DCPS: variants seen among roughly 807,000 people sequenced by gnomAD.
DCPS encodes the protein m7GpppX diphosphatase.
A neutral mutation model predicts 34.7 loss-of-function variants in DCPS; 27 were observed. The ratio of observed to expected loss-of-function variants is 0.78; its 90% CI spans 0.57 to 1.07. DCPS has a LOEUF of 1.07. Ranked by LOEUF, DCPS falls within the 50% of genes least tolerant of loss-of-function variation. The pLI is 0.00. For synonymous variants in DCPS, 185 were observed against 185.7 expected (o/e 1.00, Z 0.03); for missense variants, 464 against 436.9 (o/e 1.06, Z -0.55).
At position 126,333,842 on chromosome 11, in the gene DCPS, G is replaced by C. The variant is rs603758; in HGVS notation, c.522+2292G>C. On this transcript the variant is annotated intron_variant, in intron 3 of 5. Coordinates refer to ENST00000263579, the MANE Select transcript of DCPS (RefSeq NM_014026.6). The surrounding 1 kb of genome is among the most constrained non-coding windows in gnomAD (Gnocchi z 5.7). ...CTATTCCATATCTGCTGAATCTCACGCTTCAGGGAGTGGAGCTGGGAATTC... is the reference window on the plus strand; with the variant it reads ...CTATTCCATATCTGCTGAATCTCACCCTTCAGGGAGTGGAGCTGGGAATTC... Among the ~76,000 whole-genome samples the C allele has an allele frequency of 0.82, 125,133 of 152,064 alleles. 51,891 individuals carry two copies. Among genetic ancestry groups the C allele is most frequent in the East Asian group, 1 (5,159 of 5,166 alleles).
chr11:126,330,259 T>G lies in DCPS; in HGVS notation c.377-1146T>G, dbSNP rs144206652. Among the ~76,000 whole-genome samples the G allele has an allele frequency of 1.4e-4, 21 of 152,056 alleles. 1 individual carries two copies. The East Asian group carries it at 4.1e-3, about 29-fold the overall frequency. Reference sequence around the variant, plus strand: ...CAACTTGGGGAGGGTGCTACTAACATCCCAACAGAGGCCACAGGGATGCAG... The same window carrying G: ...CAACTTGGGGAGGGTGCTACTAACAGCCCAACAGAGGCCACAGGGATGCAG... On this transcript the variant is annotated intron_variant, in intron 2 of 5. Coordinates refer to ENST00000263579, the MANE Select transcript of DCPS (RefSeq NM_014026.6).
Position 126,328,064 on chromosome 11 carries a change from G to C in DCPS, c.377-3341G>C, listed in dbSNP as rs945583710. 4.6e-5 allele frequency among the ~76,000 whole-genome samples: 7 copies of C among 152,250 alleles called. No individual in the cohort carries two copies. Among genetic ancestry groups the C allele is most frequent in the South Asian group, 2.1e-4 (1 of 4,830 alleles). On this transcript the variant is annotated intron_variant, in intron 2 of 5. Coordinates refer to ENST00000263579, the MANE Select transcript of DCPS (RefSeq NM_014026.6). This position sits in a 1 kb window ranked among gnomAD's most constrained non-coding sequence, Gnocchi z 6.6. ...GAGCAGCGTGGCTCGTTGGGTAGGA[G>C]GGTCAGCTCGGCCGTGGGAGCGGCC... is the stretch of plus-strand genomic sequence containing the variant.
rs531934504 is a variant in DCPS at position 126,349,112 on chromosome 11, A to G, written c.*3499A>G. Among the ~76,000 whole-genome samples, 12 of 152,094 alleles carry G rather than the reference A, an allele frequency of 7.9e-5. No homozygotes were observed. The South Asian group carries it at 1.7e-3, about 21-fold the overall frequency. On this transcript the variant is annotated 3_prime_UTR_variant, in exon 6 of 6. Transcript: ENST00000263579. This position sits in a 1 kb window ranked among gnomAD's most constrained non-coding sequence, Gnocchi z 5.4. ...ATGGAGAGTAAGGACCAGCCCCTCTACCTCATGCTTTCTTCCTGCTATCTC... is the reference window on the plus strand; with the variant it reads ...ATGGAGAGTAAGGACCAGCCCCTCTGCCTCATGCTTTCTTCCTGCTATCTC...
At position 126,304,119 on chromosome 11, in the gene DCPS, C is replaced by A. The variant is rs374596811; in HGVS notation, c.39C>A (p.Arg13=). Residue 13 remains arginine, a synonymous_variant, in exon 1 of 6, where the codon CGC becomes CGA. Coordinates refer to ENST00000263579, the MANE Select transcript of DCPS (RefSeq NM_014026.6). ...DAAPQLGKRK[R]ELDVEEAHAA... is the part of the protein sequence containing the mutation. ...CTCCTCAACTAGGCAAGAGGAAGCGCGAATTGGACGTGGAGGAGGCCCACG... is the reference window on the plus strand; with the variant it reads ...CTCCTCAACTAGGCAAGAGGAAGCGAGAATTGGACGTGGAGGAGGCCCACG... 6.2e-6 allele frequency: 10 copies of A among 1,613,466 alleles called. No homozygotes were observed. The African/African-American group carries it at 1.1e-4, about 17-fold the overall frequency.
Position 126,334,298 on chromosome 11 carries a change from T to C in DCPS, c.522+2748T>C, listed in dbSNP as rs984098721. On this transcript the variant is annotated intron_variant, in intron 3 of 5. Transcript: ENST00000263579. The surrounding 1 kb of genome is among the most constrained non-coding windows in gnomAD (Gnocchi z 5.5). ...CACTTACTATGTATAGTCCAAGAAC[T>C]GCTCTAAGCATTTATGCGCATCACA... Among the ~76,000 whole-genome samples the C allele has an allele frequency of 2.0e-5, 3 of 152,224 alleles. No homozygotes were observed. Among genetic ancestry groups the C allele is most frequent in the African/African-American group, 7.2e-5 (3 of 41,444 alleles).
At position 126,336,444 on chromosome 11, in the gene DCPS, A is replaced by G. The variant is rs974193840; in HGVS notation, c.523-1842A>G. 3.3e-5 allele frequency: 5 copies of G among 152,338 alleles called. No homozygotes were observed. The East Asian group carries it at 7.7e-4, about 23-fold the overall frequency. The allele number at this position is 152,338 out of a possible 1,614,324, so 9.4% of individuals were successfully genotyped here. A position where few individuals can be genotyped will look rare whatever the true frequency, so the allele number is the denominator to read the frequency against. ...GAAAACCTTCACCACCCTTATGTAG[A>G]TATCATCAGCCCCATTTTACAAAGG... On this transcript the variant is annotated intron_variant, in intron 3 of 5. Coordinates refer to ENST00000263579, the MANE Select transcript of DCPS (RefSeq NM_014026.6). This position sits in a 1 kb window ranked among gnomAD's most constrained non-coding sequence, Gnocchi z 6.3.
intron 1 of DCPS, 81 bp downstream of exon 1, chr11:126,304,362 A>AT: frequency 6.6e-7 from 1 of 1,510,064 alleles, no homozygotes. Context: ...TTTTTTTCGG[A>AT]TCTCGGCTGG....
In DCPS at chr11:126,345,749, A is replaced by C; in HGVS notation, c.*136A>C. Reference sequence around the variant, plus strand: ...TAGTATTGAATAAACTAGCGGGCTCACTCAGTGTGGACAGCGTGGCCTGGG... The same window carrying C: ...TAGTATTGAATAAACTAGCGGGCTCCCTCAGTGTGGACAGCGTGGCCTGGG... On this transcript the variant is annotated 3_prime_UTR_variant, in exon 6 of 6. Transcript: ENST00000263579. The surrounding 1 kb of genome is among the most constrained non-coding windows in gnomAD (Gnocchi z 7.4). 1.5e-6 allele frequency: 2 copies of C among 1,359,604 alleles called. No homozygotes were observed. The highest frequency in any genetic ancestry group is 2.0e-6 in the Non-Finnish European group (2 of 1,011,290). 84.2% of individuals were successfully genotyped at this position (1,359,604 alleles called of 1,614,324 possible).
rs1047218552 is a variant in DCPS at position 126,329,872 on chromosome 11, G to A, written c.377-1533G>A. On this transcript the variant is annotated intron_variant, in intron 2 of 5. Transcript: ENST00000263579. This position sits in a 1 kb window ranked among gnomAD's most constrained non-coding sequence, Gnocchi z 5.0. ...GACTTCGTGGTGGTGAAATGTGCCC[G>A]CTGGGTTTTCAGCTCTCTCGGGTTT... is the stretch of plus-strand genomic sequence containing the variant. Among the ~76,000 whole-genome samples, 7 of 152,164 alleles carry A rather than the reference G, an allele frequency of 4.6e-5. No homozygotes were observed. Among genetic ancestry groups the A allele is most frequent in the African/African-American group, 1.7e-4 (7 of 41,434 alleles).
rs183814557 is a variant in DCPS at position 126,342,993 on chromosome 11, C to T, written c.637-314C>T. On this transcript the variant is annotated intron_variant, in intron 4 of 5. Coordinates refer to ENST00000263579, the MANE Select transcript of DCPS (RefSeq NM_014026.6). This position sits in a 1 kb window ranked among gnomAD's most constrained non-coding sequence, Gnocchi z 4.4. ...GCTGAGGCAGAAGAATCGCTTGAAC[C>T]CAGGAGGCGGAGGTTGCAGTGAGCC... Among the ~76,000 whole-genome samples, 332 of 151,648 alleles carry T rather than the reference C, an allele frequency of 2.2e-3. No homozygotes were observed. The highest frequency in any genetic ancestry group is 7.4e-3 in the African/African-American group (305 of 41,310).
rs1378977883 is a variant in DCPS at position 126,313,324 on chromosome 11, G to A, written c.376+6580G>A. Reference sequence around the variant, plus strand: ...TGTGCTATTTGCAGAGGCAAAACCCGGACCTCCTGAGGGAGGGGTGAGGAC... The same window carrying A: ...TGTGCTATTTGCAGAGGCAAAACCCAGACCTCCTGAGGGAGGGGTGAGGAC... On this transcript the variant is annotated intron_variant, in intron 2 of 5. Coordinates refer to ENST00000263579, the MANE Select transcript of DCPS (RefSeq NM_014026.6). The surrounding 1 kb of genome is among the most constrained non-coding windows in gnomAD (Gnocchi z 4.9). 2.0e-5 allele frequency among the ~76,000 whole-genome samples: 3 copies of A among 152,176 alleles called. No homozygotes were observed. The highest frequency in any genetic ancestry group is 4.8e-5 in the African/African-American group (2 of 41,434).
chr11:126,312,040 C>A lies in DCPS; in HGVS notation c.376+5296C>A, dbSNP rs1275388184. 6.6e-6 allele frequency among the ~76,000 whole-genome samples: 1 copy of A among 152,174 alleles called. No individual in the cohort carries two copies. The highest frequency in any genetic ancestry group is 1.5e-5 in the Non-Finnish European group (1 of 68,040). ...CTGCCTCCCGGGTTCGAGTGATTCT[C>A]CAGCCTCAGCCTCCCGAGTAGCTGG... On this transcript the variant is annotated intron_variant, in intron 2 of 5. Transcript: ENST00000263579. The surrounding 1 kb of genome is among the most constrained non-coding windows in gnomAD (Gnocchi z 5.1).
chr11:126,331,482 C>G lies in DCPS; in HGVS notation c.454C>G (p.Arg152Gly). The G allele has an allele frequency of 6.2e-7, 1 of 1,614,142 alleles. No individual in the cohort carries two copies. The highest frequency in any genetic ancestry group is 1.1e-5 in the South Asian group (1 of 91,072). Residue 152 changes from arginine (R) to glycine (G), a missense_variant, in exon 3 of 6, where the codon CGA (arginine) becomes GGA (glycine). Coordinates refer to ENST00000263579, the MANE Select transcript of DCPS (RefSeq NM_014026.6). The surrounding 1 kb of genome is among the most constrained non-coding windows in gnomAD (Gnocchi z 7.2). ...KYLRQDLRLI[R>G]ETGDDYRNIT... Reference sequence around the variant, plus strand: ...CCTGCGCCAGGACCTCCGCCTGATCCGAGAGACGGGAGATGACTACAGGAA... The same window carrying G: ...CCTGCGCCAGGACCTCCGCCTGATCGGAGAGACGGGAGATGACTACAGGAA...
intron 2 of DCPS, among the ~76,000 whole-genome samples, chr11:126,316,839 A>G (rs1591383290): frequency 6.7e-6 from 1 of 149,940 alleles, no homozygotes; most frequent in Non-Finnish European, 1.5e-5. Context: ...TATTTTTAGT[A>G]GAGACAGGGT....
At chr11:126,343,642 T>C (rs1376291998) in intron 5 of DCPS, among the ~76,000 whole-genome samples, 1 of 152,090 alleles carries the variant, frequency 6.6e-6, no homozygotes, top group East Asian at 1.9e-4. Context: ...TCGGCCTTTC[T>C]CCATCTGGGA....
rs1029275579 is a variant in DCPS at position 126,335,453 on chromosome 11, T to A, written c.523-2833T>A. 2.0e-5 allele frequency among the ~76,000 whole-genome samples: 3 copies of A among 152,202 alleles called. No homozygotes were observed. The highest frequency in any genetic ancestry group is 1.5e-5 in the Non-Finnish European group (1 of 68,034). ...TTGTTCTTTCATTCTCCTTTTTTTT[T>A]ATCTGGGCCCCTGGCCTGGAGGCTT... On this transcript the variant is annotated intron_variant, in intron 3 of 5. Coordinates refer to ENST00000263579, the MANE Select transcript of DCPS (RefSeq NM_014026.6). This position sits in a 1 kb window ranked among gnomAD's most constrained non-coding sequence, Gnocchi z 4.8.
chr11:126,330,719 A>ATTTT lies in DCPS; in HGVS notation c.377-655_377-652dup, dbSNP rs1167717646. ...TATATATATATATATATATATATAT[A>ATTTT]TTTTTTTTTTTTTTTTTTTTTTTTT... On this transcript the variant is annotated intron_variant, in intron 2 of 5. Coordinates refer to ENST00000263579, the MANE Select transcript of DCPS (RefSeq NM_014026.6). Among the ~76,000 whole-genome samples, 15 of 18,886 alleles carry ATTTT rather than the reference A, an allele frequency of 7.9e-4. 3 individuals are homozygous for ATTTT. The highest frequency in any genetic ancestry group is 5.6e-3 in the Admixed American group (5 of 896). The allele number at this position is 18,886 out of a possible 152,430, so 12.4% of individuals were successfully genotyped here. A position where few individuals can be genotyped will look rare whatever the true frequency, so the allele number is the denominator to read the frequency against.
Position 126,306,620 on chromosome 11 carries a change from G to A in DCPS, c.252G>A (p.Leu84=), listed in dbSNP as rs1951569744. 3 of 1,613,810 alleles carry A rather than the reference G, an allele frequency of 1.9e-6. No homozygotes were observed. Among genetic ancestry groups the A allele is most frequent in the Non-Finnish European group, 2.5e-6 (3 of 1,179,836 alleles). The change falls in exon 2 of 6, where the codon CTG becomes CTA. Residue 84 remains leucine (L), a synonymous_variant. Coordinates refer to ENST00000263579, the MANE Select transcript of DCPS (RefSeq NM_014026.6). ...ATGGAGAGGATGCCGTTGTGATCCTGGAGAAGACGCCATTTCAGGTGGAAC... is the reference window on the plus strand; with the variant it reads ...ATGGAGAGGATGCCGTTGTGATCCTAGAGAAGACGCCATTTCAGGTGGAAC... ...DGDGEDAVVI[L]EKTPFQVEQV...
chr11:126,345,455 G>T lies in DCPS; in HGVS notation c.856G>T (p.Glu286Ter), dbSNP rs768872827. 9.3e-6 allele frequency: 15 copies of T among 1,614,024 alleles called. No individual in the cohort carries two copies. The highest frequency in any genetic ancestry group is 1.7e-5 in the Admixed American group (1 of 60,008). The change falls in exon 6 of 6, where the codon GAG becomes TAG. Residue 286 changes from glutamate (E) to a stop codon, truncating the protein, a stop_gained. Transcript: ENST00000263579. LOFTEE classifies it high-confidence loss of function. This position sits in a 1 kb window ranked among gnomAD's most constrained non-coding sequence, Gnocchi z 7.4. ...TGTGCACTTCACCGCCCTGGGCTTC[G>T]AGGCCCCCGGCTCAGGCGTGGAGCG... is the stretch of plus-strand genomic sequence containing the variant. ...LHVHFTALGF[E>*]APGSGVERAH...
Sources: gnomAD v4.1 joint callset for allele counts (sites outside exome capture counted in the v4.1 genomes callset) on GRCh38, gnomAD v4.1.1 for gene constraint, Gnocchi (gnomAD v3.1) non-coding constraint, MANE v1.5 for transcripts, NCBI Gene and HGNC (gene_info 2026-07-23, HGNC 2026-07-21) for gene names.